The following CNGB1 variants were observed in gnomAD, a reference collection of about 807,000 sequenced individuals.
The protein encoded by CNGB1 is cyclic nucleotide gated channel subunit beta 1.
Under a neutral mutation model 151.7 loss-of-function variants are expected in CNGB1, and 126 were observed. The ratio of observed to expected loss-of-function variants is 0.83; its 90% CI spans 0.72 to 0.96. The LOEUF is 0.96. CNGB1 is among the 40% of genes least tolerant of loss of function. The pLI is 0.00. For missense variants in CNGB1, 1,698 were observed against 1,627.0 expected (o/e 1.04, Z -0.75); for synonymous variants, 623 against 635.1 (o/e 0.98, Z 0.29).
At chr16:57,893,823 T>G (rs1434047672) in intron 31 of CNGB1, among the ~76,000 whole-genome samples, 2 of 151,796 alleles carry the variant, frequency 1.3e-5, no homozygotes, top group African/African-American at 2.4e-5. Flanking sequence ...CAAAAAAAAT[T>G]TACAGCAGCA....
chr16:57,962,512 T>C (rs372118020), intron 7 of CNGB1, 53 bp downstream of exon 7: 28 of 1,543,340 alleles, frequency 1.8e-5, no homozygotes, highest in Middle Eastern at 3.4e-4. Context: ...CAAGGACCTG[T>C]TCCTCCCACC....
chr16:57,884,502 G>A (rs770714891), intron 32 of CNGB1, 45 bp from the exon 33 acceptor site: 2 of 1,610,302 alleles, frequency 1.2e-6, no homozygotes, highest in Non-Finnish European at 1.7e-6. Context: ...ACTCTCGGAG[G>A]GGTCTTGGAA....
At position 57,912,948 on chromosome 16, in the gene CNGB1, C is replaced by T. The variant is rs1460002577; in HGVS notation, c.2351G>A (p.Ser784Asn). Residue 784 changes from serine to asparagine, a missense_variant, in exon 24 of 33, where the codon AGC becomes AAC. Transcript: ENST00000251102. ...GTCTCACCTGTACACGTAGGCTTTG[C>T]TGAGGATGGATTCCAGGCGGCTGTT... ...EFNSRLESIL[S>N]KAYVYRVIRT... 1.2e-6 allele frequency: 2 copies of T among 1,613,894 alleles called. No homozygotes were observed. The highest frequency in any genetic ancestry group is 1.7e-5 in the Admixed American group (1 of 60,008).
chr16:57,893,629 C>T (rs757645655), intron 31 of CNGB1, among the ~76,000 whole-genome samples: 3 of 152,226 alleles, frequency 2.0e-5, no homozygotes, highest in African/African-American at 2.4e-5. Flanking sequence ...GAAACCCCGT[C>T]TCTACTTAAA....
Position 57,931,785 on chromosome 16 carries a change from A to G in CNGB1, c.1466T>C (p.Val489Ala), listed in dbSNP as rs761980338. The change falls in exon 17 of 33, where the codon GTG (valine) becomes GCG (alanine). Residue 489 changes from valine (V) to alanine (A), a missense_variant. Physicochemically the swap from Val to Ala is moderately conservative, Grantham distance 64. Coordinates refer to ENST00000251102, the MANE Select transcript of CNGB1 (RefSeq NM_001297.5). ...LMAEENPPSTVLPPPSPAKSD... is the reference protein window; with the variant it reads ...LMAEENPPSTALPPPSPAKSD... ...TTTGGCAGGAGACGGTGGCGGCAAC[A>G]CGGTTGAGGGTGGATTCTCTTCTGC... The G allele has an allele frequency of 1.9e-6, 3 of 1,614,112 alleles. No homozygotes were observed. The highest frequency in any genetic ancestry group is 2.5e-6 in the Non-Finnish European group (3 of 1,180,010).
At chr16:57,901,975 T>G (rs78161913) in intron 27 of CNGB1, among the ~76,000 whole-genome samples, 3,170 of 152,308 alleles carry the variant, frequency 0.021, 59 homozygotes, top group African/African-American at 0.05. Context: ...TGTTCCCACT[T>G]CCCTGGAAGG....
Position 57,962,603 on chromosome 16 carries a change from T to G in CNGB1, c.420A>C (p.Thr140=), listed in dbSNP as rs777486239. 2.5e-6 allele frequency: 4 copies of G among 1,613,934 alleles called. No individual in the cohort carries two copies. Among genetic ancestry groups the G allele is most frequent in the Non-Finnish European group, 3.4e-6 (4 of 1,179,906 alleles). Residue 140 remains threonine, a synonymous_variant, in exon 7 of 33, where the codon ACA becomes ACC. Coordinates refer to ENST00000251102, the MANE Select transcript of CNGB1 (RefSeq NM_001297.5). ...CCTCAAGGGCCTCATTGGGTTCATC[T>G]GTGCACCCTGCAGGGTCAGAAAATA... ...GHGSTGDTGC[T]DEPNEALEAQ...
intron 18 of CNGB1, 137 bp downstream of exon 18, chr16:57,923,136 T>C (rs1961089471): frequency 1.6e-6 from 1 of 616,072 alleles, no homozygotes; most frequent in African/African-American, 1.9e-5. Flanking sequence ...AGGCGACCGA[T>C]CCCGACTTAC....
chr16:57,960,656 CCTT>C (rs1484677590), intron 8 of CNGB1, 126 bp from the exon 9 acceptor site: 39 of 1,335,244 alleles, frequency 2.9e-5, no homozygotes, highest in African/African-American at 1.9e-4. Flanking sequence ...GGGTGTCTCT[CCTT>C]CTGAATCCCG....
Position 57,955,220 on chromosome 16 carries a change from C to T in CNGB1, c.874+2121G>A, listed in dbSNP as rs1597008908. 4.6e-6 allele frequency: 7 copies of T among 1,537,078 alleles called. No homozygotes were observed. The African/African-American group carries it at 6.8e-5, about 15-fold the overall frequency. On this transcript the variant is annotated intron_variant, in intron 12 of 32. Coordinates refer to ENST00000251102, the MANE Select transcript of CNGB1 (RefSeq NM_001297.5). ...GAGTGTGTGGAGAGGGAGGGGTTCG[C>T]TGTTCAAATAGGGTGGGGTGTCAGT...
At chr16:57,922,307 C>T (rs965606257) in intron 18 of CNGB1, among the ~76,000 whole-genome samples, 1 of 152,174 alleles carries the variant, frequency 6.6e-6, no homozygotes, top group Non-Finnish European at 1.5e-5. Flanking sequence ...CGCCATCCAC[C>T]AGAGCTTCTC....
At chr16:57,901,506 G>A (rs144338321) in intron 28 of CNGB1, 22 bp downstream of exon 28, 205 of 1,612,312 alleles carry the variant, frequency 1.3e-4, no homozygotes, top group Non-Finnish European at 1.5e-4. Context: ...AGCCCTGAGC[G>A]TGAGGGCACC....
chr16:57,888,493 G>A (rs923383297), intron 31 of CNGB1, among the ~76,000 whole-genome samples: 1 of 151,628 alleles, frequency 6.6e-6, no homozygotes, highest in Admixed American at 6.6e-5. Context: ...CTTTCTCACA[G>A]GGTCTGGCTC....
intron 17 of CNGB1, among the ~76,000 whole-genome samples, chr16:57,931,351 C>T (rs190547504): frequency 2.3e-3 from 357 of 151,996 alleles, no homozygotes; most frequent in Non-Finnish European, 3.7e-3. Context: ...GACGGGGTTT[C>T]GCTATGTTGG....
At chr16:57,951,475 C>G (rs886313087) in intron 12 of CNGB1, among the ~76,000 whole-genome samples, 3 of 152,212 alleles carry the variant, frequency 2.0e-5, no homozygotes, top group Non-Finnish European at 4.4e-5. Flanking sequence ...CCTCACTCAG[C>G]CTTCTGAGTA....
At chr16:57,940,454 T>C in intron 14 of CNGB1, 133 bp from the exon 15 acceptor site, 1 of 791,220 alleles carries the variant, frequency 1.3e-6, no homozygotes, top group South Asian at 1.7e-5. Flanking sequence ...AGTCTCAACC[T>C]CAGGAGCCTC....
chr16:57,905,408 C>G (rs769667045), intron 25 of CNGB1, among the ~76,000 whole-genome samples: 11 of 152,218 alleles, frequency 7.2e-5, no homozygotes, highest in Non-Finnish European at 1.3e-4. Context: ...CCCGTGGTCA[C>G]TAGTTGGTAA....
chr16:57,897,352 A>G (rs752269006), intron 31 of CNGB1, 45 bp downstream of exon 31: 2 of 1,608,504 alleles, frequency 1.2e-6, no homozygotes, highest in Non-Finnish European at 1.7e-6. Context: ...AGAGAAATTC[A>G]TTGTCCTTAG....
chr16:57,943,928 C>A (rs1204528927), intron 14 of CNGB1, among the ~76,000 whole-genome samples: 1 of 151,814 alleles, frequency 6.6e-6, no homozygotes, highest in African/African-American at 2.4e-5. Flanking sequence ...CGCTGTGTTG[C>A]CCAGGCTGGA....
Sources: allele counts gnomAD v4.1 joint callset (sites outside exome capture counted in the v4.1 genomes callset), GRCh38; gene constraint gnomAD v4.1.1; transcripts MANE v1.5; gene names NCBI Gene and HGNC (gene_info 2026-07-23, HGNC 2026-07-21).